Variants in BLK observed in about 807,000 individuals in gnomAD.
BLK encodes the protein BLK proto-oncogene, Src family tyrosine kinase.
Under a neutral mutation model 61.8 loss-of-function variants are expected in BLK, and 64 were observed. The observed-to-expected ratio is 1.03, with a 90% CI of 0.85 to 1.27. BLK has a LOEUF of 1.27. Among genes scored for constraint, BLK ranks in the 50% most tolerant of loss-of-function variants. The pLI is 0.00. For missense variants in BLK, 853 were observed against 660.5 expected (o/e 1.29, Z -3.19); for synonymous variants, 351 against 272.0 (o/e 1.29, Z -2.86).
intron 1 of BLK, among the ~76,000 whole-genome samples, chr8:11,499,911 T>G (rs1798493154): frequency 1.3e-5 from 2 of 152,216 alleles, no homozygotes; most frequent in Admixed American, 1.3e-4. Context: ...TCTGTTTTTC[T>G]ATCCTGTTGT....
intron 7 of BLK, 95 bp from the exon 8 acceptor site, chr8:11,555,237 G>A: frequency 1.3e-6 from 2 of 1,534,144 alleles, no homozygotes; most frequent in Non-Finnish European, 1.8e-6. Flanking sequence ...TGGGGTGGCT[G>A]GGGAGTGGAG....
intron 1 of BLK, among the ~76,000 whole-genome samples, chr8:11,501,521 G>T (rs972798066): frequency 2.0e-5 from 3 of 152,092 alleles, no homozygotes; most frequent in African/African-American, 7.2e-5. Context: ...CCTGGTAAAC[G>T]TTTAACAACC....
chr8:11,539,681 A>C lies in BLK; in HGVS notation c.-1-3543A>C, dbSNP rs530581506. On this transcript the variant is annotated intron_variant, in intron 1 of 12. Transcript: ENST00000259089. ...ATGTTTTGTCTAATAAATATTTATTAAGCCCACACTCTGTGCCAGACATTG... is the reference window on the plus strand; with the variant it reads ...ATGTTTTGTCTAATAAATATTTATTCAGCCCACACTCTGTGCCAGACATTG... Among the ~76,000 whole-genome samples, 17 of 152,358 alleles carry C rather than the reference A, an allele frequency of 1.1e-4. No homozygotes were observed. In the South Asian group the frequency reaches 1.4e-3, roughly 13 times the overall value.
chr8:11,560,881 C>A, intron 10 of BLK: 1 of 465,088 alleles, frequency 2.2e-6, no homozygotes, highest in Non-Finnish European at 4.3e-6. Context: ...CGAGGGCCTC[C>A]AGCTCCAGGA....
rs763474991 is a variant in BLK, at chr8:11,561,441, C to A, written c.1169C>A (p.Thr390Lys). The stretch of plus-strand genomic sequence containing the variant: ...GCTCGAATCATCGACAGTGAATACA[C>A]GGCCCAAGAGGGTAAGCACAGCCCC... ...GLARIIDSEYTAQEGAKFPIK... is the reference protein window; with the variant it reads ...GLARIIDSEYKAQEGAKFPIK... Residue 390 changes from threonine to lysine, a missense_variant, in exon 11 of 13, where the codon ACG (threonine) becomes AAG (lysine). Transcript: ENST00000259089. The A allele has an allele frequency of 2.5e-6, 4 of 1,613,720 alleles. No individual in the cohort carries two copies. The highest frequency in any genetic ancestry group is 3.4e-6 in the Non-Finnish European group (4 of 1,179,848).
chr8:11,564,424 C>G lies in BLK; in HGVS notation c.*316C>G, dbSNP rs1173558865. ...AAGCGACTGTCATCAAGTAAGGCCC[C>G]CGTGCTGGGCACCCCCCGTGCTGGC... is the stretch of plus-strand genomic sequence containing the variant. On this transcript the variant is annotated 3_prime_UTR_variant, in exon 13 of 13. Coordinates refer to ENST00000259089, the MANE Select transcript of BLK (RefSeq NM_001715.3). The G allele has an allele frequency of 1.7e-6, 1 of 598,046 alleles. No homozygotes were observed. Among genetic ancestry groups the G allele is most frequent in the Non-Finnish European group, 3.1e-6 (1 of 317,596 alleles). 37.0% of individuals were successfully genotyped at this position (598,046 alleles called of 1,614,324 possible).
In BLK at chr8:11,547,651, C is replaced by T. The variant is rs374432130; in HGVS notation, c.176-381C>T. Among the ~76,000 whole-genome samples the T allele has an allele frequency of 2.5e-4, 38 of 152,326 alleles. No individual in the cohort carries two copies. In the South Asian group the frequency reaches 7.9e-3, roughly 32 times the overall value. On this transcript the variant is annotated intron_variant, in intron 3 of 12. Coordinates refer to ENST00000259089, the MANE Select transcript of BLK (RefSeq NM_001715.3). ...AGAGGAGGAAAAGGATAAGAGGAGGCTTATGGGCCTCCGAGGGCAGGTGTA... is the reference window on the plus strand; with the variant it reads ...AGAGGAGGAAAAGGATAAGAGGAGGTTTATGGGCCTCCGAGGGCAGGTGTA...
intron 1 of BLK, among the ~76,000 whole-genome samples, chr8:11,522,552 T>C (rs1799496630): frequency 1.3e-5 from 2 of 152,134 alleles, no homozygotes; most frequent in African/African-American, 4.8e-5. Context: ...AACTCTCACA[T>C]ATGTGCAAAA....
chr8:11,500,186 G>C (rs1215060882), intron 1 of BLK, among the ~76,000 whole-genome samples: 2 of 152,012 alleles, frequency 1.3e-5, no homozygotes, highest in South Asian at 4.1e-4. Context: ...TGATTTGGGG[G>C]GTGTTTGTTT....
At chr8:11,551,496 T>C (rs1800901930) in intron 6 of BLK, among the ~76,000 whole-genome samples, 1 of 152,200 alleles carries the variant, frequency 6.6e-6, no homozygotes, top group Admixed American at 6.5e-5. Context: ...TGTCTCCACA[T>C]ATAGCCACAT....
At chr8:11,504,508 G>A (rs569866466) in intron 1 of BLK, among the ~76,000 whole-genome samples, 1 of 152,184 alleles carries the variant, frequency 6.6e-6, no homozygotes, top group African/African-American at 2.4e-5. Context: ...CCTTCAGAAG[G>A]GGGAGAAGTA....
chr8:11,516,505 C>T (rs192422497), intron 1 of BLK, among the ~76,000 whole-genome samples: 16 of 152,324 alleles, frequency 1.1e-4, no homozygotes, highest in Admixed American at 1.0e-3. Context: ...GAAAGACAAT[C>T]TAGTAGGTCT....
chr8:11,525,559 C>A (rs1002268293), intron 1 of BLK, among the ~76,000 whole-genome samples: 2 of 152,150 alleles, frequency 1.3e-5, no homozygotes, highest in Non-Finnish European at 2.9e-5. Context: ...TATCCTTTTA[C>A]TAATTTATTT....
intron 8 of BLK, 98 bp from the exon 9 acceptor site, chr8:11,556,560 G>C: frequency 3.5e-6 from 5 of 1,426,046 alleles, no homozygotes; most frequent in Non-Finnish European, 4.9e-6. Context: ...CACCTGGAAT[G>C]GGGTGGCACC....
At chr8:11,541,551 G>A (rs1415610760) in intron 1 of BLK, among the ~76,000 whole-genome samples, 1 of 150,884 alleles carries the variant, frequency 6.6e-6, no homozygotes, top group Non-Finnish European at 1.5e-5. Flanking sequence ...AGGCTGGAGT[G>A]CAATGGCATG....
At chr8:11,558,746 C>G (rs1488672260) in intron 10 of BLK, 2 of 456,100 alleles carry the variant, frequency 4.4e-6, no homozygotes, top group Non-Finnish European at 8.8e-6. Context: ...CATCTGGTGG[C>G]CCTGTTAAAA....
intron 1 of BLK, among the ~76,000 whole-genome samples, chr8:11,517,413 C>A (rs961242917): frequency 2.6e-5 from 4 of 152,210 alleles, no homozygotes; most frequent in African/African-American, 9.6e-5. Context: ...GTCCAAGTGG[C>A]CACAGCACTT....
intron 6 of BLK, among the ~76,000 whole-genome samples, chr8:11,551,077 T>G: frequency 6.6e-6 from 1 of 152,172 alleles, no homozygotes; most frequent in East Asian, 1.9e-4. Context: ...CTTGCTCTTC[T>G]CTGTGGTTTC....
At chr8:11,557,134 G>A (rs1801276516) in intron 9 of BLK, among the ~76,000 whole-genome samples, 2 of 152,180 alleles carry the variant, frequency 1.3e-5, no homozygotes, top group African/African-American at 4.8e-5. Flanking sequence ...GGGAGGGACA[G>A]AGCATTGCAA....
Sources: gnomAD v4.1 joint callset for allele counts (sites outside exome capture counted in the v4.1 genomes callset) on GRCh38, gnomAD v4.1.1 for gene constraint, MANE v1.5 for transcripts, NCBI Gene and HGNC (gene_info 2026-07-23, HGNC 2026-07-21) for gene names.